Variants in TYK2 observed in about 807,000 individuals in gnomAD.
TYK2 encodes the protein tyrosine kinase 2.
Under a neutral mutation model 130.9 loss-of-function variants are expected in TYK2, and 65 were observed. The ratio of observed to expected loss-of-function variants is 0.50; its 90% CI spans 0.41 to 0.61. TYK2 has a LOEUF of 0.61. Among genes scored for constraint, TYK2 ranks in the 20% least tolerant of loss-of-function variants. The pLI, the probability that TYK2 is intolerant of heterozygous loss-of-function variation, is 0.00. For missense variants in TYK2, 1,378 were observed against 1,610.7 expected, an observed-to-expected ratio of 0.86 and a Z score of 2.47; for synonymous variants, 647 against 658.9, an observed-to-expected ratio of 0.98 and a Z score of 0.28.
rs912580260 is a variant in TYK2 at position 10,350,810 on chromosome 19, C to T, written c.*24G>A. ...TGCAGCCACTGCCTGGTCCAGTCCTCCCAGGCAGGGCTGCCATTGTGCCTC... is the reference window on the plus strand; with the variant it reads ...TGCAGCCACTGCCTGGTCCAGTCCTTCCAGGCAGGGCTGCCATTGTGCCTC... On this transcript the variant is annotated 3_prime_UTR_variant, in exon 25 of 25. Coordinates refer to ENST00000525621, the MANE Select transcript of TYK2 (RefSeq NM_003331.5). 1.9e-6 allele frequency: 3 copies of T among 1,612,054 alleles called. No homozygotes were observed. The Admixed American group carries it at 5.0e-5, about 27-fold the overall frequency.
intron 2 of TYK2, among the ~76,000 whole-genome samples, chr19:10,378,808 C>G (rs1000539763): frequency 6.6e-6 from 1 of 151,526 alleles, no homozygotes; most frequent in Non-Finnish European, 1.5e-5. Context: ...TAGCAAGACC[C>G]TGTTTCTACA....
In TYK2 at chr19:10,374,380, T is replaced by A. The variant is rs12720228; in HGVS notation, c.193+3834A>T. Among the ~76,000 whole-genome samples the A allele has an allele frequency of 8.7e-3, 1,314 of 151,422 alleles. 22 individuals carry two copies. The highest frequency in any genetic ancestry group is 0.03 in the African/African-American group (1,244 of 41,196). ...AGGTGGATCACTTGAGGTCAGGAGT[T>A]CGAGACCAGCCTGGCCAACATGGTG... On this transcript the variant is annotated intron_variant, in intron 3 of 24. Coordinates refer to ENST00000525621, the MANE Select transcript of TYK2 (RefSeq NM_003331.5).
chr19:10,368,489 C>A (rs1240510248), intron 3 of TYK2, 71 bp from the exon 4 acceptor site: 3 of 1,607,462 alleles, frequency 1.9e-6, no homozygotes, highest in Non-Finnish European at 2.5e-6. Flanking sequence ...CCCCCCAGAC[C>A]CAATGTCTGC....
At chr19:10,363,189 T>C (rs1051358924) in intron 9 of TYK2, among the ~76,000 whole-genome samples, 98 of 117,998 alleles carry the variant, frequency 8.3e-4, no homozygotes, top group Non-Finnish European at 1.3e-3. Context: ...TGATCTCTCT[T>C]TTTTTTTTTT....
At chr19:10,356,423 C>T (rs1319407453) in intron 18 of TYK2, 145 bp downstream of exon 18, 1 of 957,964 alleles carries the variant, frequency 1.0e-6, no homozygotes, top group East Asian at 2.6e-5. Flanking sequence ...GGCAGCCAGG[C>T]AGGGCATGCT....
chr19:10,356,796 C>A, intron 17 of TYK2, 78 bp from the exon 18 acceptor site: 1 of 1,493,992 alleles, frequency 6.7e-7, no homozygotes. Context: ...GAGTCAAGTC[C>A]CCAGAGTGGA....
chr19:10,362,424 T>C lies in TYK2; in HGVS notation c.1509A>G (p.Arg503=), dbSNP rs752725964. ...CGTCCTGCTGCTCAATGGGGAACTTTCGGAGCCGCAAGCTCTGCATGCCGT... is the reference window on the plus strand; with the variant it reads ...CGTCCTGCTGCTCAATGGGGAACTTCCGGAGCCGCAAGCTCTGCATGCCGT... The part of the protein sequence containing the change: ...APDGMQSLRL[R]KFPIEQQDGA... Residue 503 remains arginine, a synonymous_variant, in exon 11 of 25, where the codon CGA becomes CGG. Coordinates refer to ENST00000525621, the MANE Select transcript of TYK2 (RefSeq NM_003331.5). The C allele has an allele frequency of 1.2e-6, 2 of 1,609,836 alleles. No homozygotes were observed. The highest frequency in any genetic ancestry group is 4.5e-5 in the East Asian group (2 of 44,718).
At chr19:10,376,603 T>A (rs1313167030) in intron 3 of TYK2, among the ~76,000 whole-genome samples, 6 of 80,712 alleles carry the variant, frequency 7.4e-5, no homozygotes, top group Admixed American at 2.4e-4. Context: ...CCACCGCACC[T>A]GGCCTTTTTT....
Position 10,353,360 on chromosome 19 carries a change from G to T in TYK2, c.3027+168C>A, listed in dbSNP as rs367783021. 1.2e-4 allele frequency: 70 copies of T among 584,556 alleles called. No individual in the cohort carries two copies. In the South Asian group the frequency reaches 1.9e-3, roughly 16 times the overall value. 36.2% of individuals were successfully genotyped at this position (584,556 alleles called of 1,614,324 possible). A position where few individuals can be genotyped will look rare whatever the true frequency, so the allele number is the denominator to read the frequency against. On this transcript the variant is annotated intron_variant, in intron 21 of 24. Transcript: ENST00000525621. This position sits in a 1 kb window ranked among gnomAD's most constrained non-coding sequence, Gnocchi z 6.9. ...GCTGTGCGTGGTCCCTTGGGAGGAG[G>T]GGGTGTGGCCAAGCAAGCCAAACAG...
chr19:10,363,729 C>T (rs761449617), intron 9 of TYK2, among the ~76,000 whole-genome samples: 2 of 152,196 alleles, frequency 1.3e-5, no homozygotes, highest in Non-Finnish European at 2.9e-5. Flanking sequence ...CACAAACATG[C>T]ACTATAAAGT....
In TYK2 at chr19:10,364,585, G is replaced by A; in HGVS notation, c.1367+29C>T. ...AGTCTAGTTGGCACCCTTGGCGGTG[G>A]CCCCCAGCGCCCCCCACCCAGCACT... On this transcript the variant is annotated intron_variant, in intron 9 of 24. Coordinates refer to ENST00000525621, the MANE Select transcript of TYK2 (RefSeq NM_003331.5). The surrounding 1 kb of genome is among the most constrained non-coding windows in gnomAD (Gnocchi z 4.9). The A allele has an allele frequency of 1.2e-6, 2 of 1,612,644 alleles. No homozygotes were observed. Among genetic ancestry groups the A allele is most frequent in the South Asian group, 1.1e-5 (1 of 91,062 alleles).
At chr19:10,352,382 C>T in intron 23 of TYK2, 52 bp downstream of exon 23, 3 of 1,279,962 alleles carry the variant, frequency 2.3e-6, no homozygotes, top group Admixed American at 1.7e-5. Flanking sequence ...CAGCCTATGC[C>T]TTTCTAATTG....
At position 10,371,034 on chromosome 19, in the gene TYK2, T is replaced by C. The variant is rs572358052; in HGVS notation, c.194-2616A>G. ...TGGCTGGAGTGCAGTGGTGTGATCA[T>C]GGCTCACTGCACCCTCGACTTACTG... On this transcript the variant is annotated intron_variant, in intron 3 of 24. Transcript: ENST00000525621. 1.2e-4 allele frequency among the ~76,000 whole-genome samples: 18 copies of C among 151,948 alleles called. No individual in the cohort carries two copies. In the South Asian group the frequency reaches 3.8e-3, roughly 32 times the overall value.
chr19:10,367,729 G>C (rs1049487391), intron 5 of TYK2, among the ~76,000 whole-genome samples: 1 of 151,688 alleles, frequency 6.6e-6, no homozygotes, highest in African/African-American at 2.4e-5. Context: ...GACCATCCTA[G>C]CTAACACTGT....
chr19:10,372,746 C>T (rs2041971645), intron 3 of TYK2, among the ~76,000 whole-genome samples: 1 of 151,734 alleles, frequency 6.6e-6, no homozygotes, highest in African/African-American at 2.4e-5. Context: ...CACGCTTAGC[C>T]TCCAAAACTG....
intron 2 of TYK2, 37 bp from the exon 3 acceptor site, chr19:10,378,463 G>A (rs2042250500): frequency 6.4e-7 from 1 of 1,553,476 alleles, no homozygotes; most frequent in South Asian, 1.1e-5. Flanking sequence ...CCAAGTCTCA[G>A]CCCAGAGACC....
rs1415952293 is a variant in TYK2 at position 10,362,132 on chromosome 19, T to C, written c.1719A>G (p.Thr573=). ...IMRGARASPR[T]LNLSQLSFHR... The stretch of plus-strand genomic sequence containing the variant: ...GGAAGCTGAGCTGGCTGAGGTTGAG[T>C]GTCCTGGGGCTGGCCCGAGCCCCCC... The change falls in exon 12 of 25, where the codon ACA becomes ACG. Residue 573 remains threonine (T), a synonymous_variant. Coordinates refer to ENST00000525621, the MANE Select transcript of TYK2 (RefSeq NM_003331.5). 1 of 1,613,954 alleles carries C rather than the reference T, an allele frequency of 6.2e-7. No individual in the cohort carries two copies. The highest frequency in any genetic ancestry group is 1.7e-5 in the Admixed American group (1 of 60,022).
chr19:10,355,080 T>G (rs1264397260), intron 18 of TYK2, among the ~76,000 whole-genome samples: 2 of 149,516 alleles, frequency 1.3e-5, no homozygotes, highest in East Asian at 3.9e-4. Context: ...CAGAAAAACC[T>G]GACATCTGGA....
rs1599322175 is a variant in TYK2 at position 10,350,581 on chromosome 19, A to G, written c.*253T>C. ...CAGATGGTGGAGATGGTGGGCCTCA[A>G]GTTTGGAAGCTGGGGGATTTAAGGG... On this transcript the variant is annotated 3_prime_UTR_variant, in exon 25 of 25. Coordinates refer to ENST00000525621, the MANE Select transcript of TYK2 (RefSeq NM_003331.5). 1 of 521,720 alleles carries G rather than the reference A, an allele frequency of 1.9e-6. No individual in the cohort carries two copies. The allele number at this position is 521,720 out of a possible 1,614,324, so 32.3% of individuals were successfully genotyped here.
Sources: gnomAD v4.1 joint callset for allele counts (sites outside exome capture counted in the v4.1 genomes callset) on GRCh38, gnomAD v4.1.1 for gene constraint, Gnocchi (gnomAD v3.1) non-coding constraint, MANE v1.5 for transcripts, NCBI Gene and HGNC (gene_info 2026-07-23, HGNC 2026-07-21) for gene names.